The following CCSER1 variants were observed in gnomAD, a reference collection of about 807,000 sequenced individuals.
The protein encoded by CCSER1 is coiled-coil serine rich protein 1.
In CCSER1, 41 loss-of-function variants were observed where a neutral mutation model predicts 82.0. That is an observed-to-expected ratio of 0.50 (90% CI 0.39 to 0.65). The LOEUF (loss-of-function observed/expected upper bound fraction) is 0.65, where lower values mean the gene tolerates loss of function less well. CCSER1 is among the 30% of genes least tolerant of loss of function. The pLI is 0.00. For missense variants in CCSER1, 1,119 were observed against 1,064.2 expected (o/e 1.05, Z -0.72); for synonymous variants, 414 against 383.9 (o/e 1.08, Z -0.92).
At chr4:91,071,711 A>C (rs1290090527) in intron 9 of CCSER1, among the ~76,000 whole-genome samples, 3 of 152,148 alleles carry the variant, frequency 2.0e-5, no homozygotes, top group Non-Finnish European at 4.4e-5. Flanking sequence ...AGATTGATTC[A>C]ATAAGCTTAG....
chr4:91,432,315 C>T (rs1269284333), intron 10 of CCSER1, among the ~76,000 whole-genome samples: 3 of 152,100 alleles, frequency 2.0e-5, no homozygotes, highest in African/African-American at 4.8e-5. Context: ...TTTAATTAAA[C>T]ACCTATTTAT....
At chr4:90,199,927 G>A (rs1737337132) in intron 1 of CCSER1, among the ~76,000 whole-genome samples, 1 of 152,002 alleles carries the variant, frequency 6.6e-6, no homozygotes, top group South Asian at 2.1e-4. Flanking sequence ...ATATTGCATA[G>A]CAATTAAGTG....
intron 10 of CCSER1, among the ~76,000 whole-genome samples, chr4:91,347,285 C>T (rs1281748290): frequency 6.6e-6 from 1 of 152,100 alleles, no homozygotes; most frequent in African/African-American, 2.4e-5. Flanking sequence ...TCAAACATCA[C>T]TTGACTATAT....
At chr4:91,562,791 T>G (rs2110258328) in intron 10 of CCSER1, among the ~76,000 whole-genome samples, 1 of 151,776 alleles carries the variant, frequency 6.6e-6, no homozygotes, top group African/African-American at 2.4e-5. Context: ...TAACGTATTT[T>G]ATTTAAATAG....
chr4:91,177,521 T>G (rs1026689900), intron 10 of CCSER1, among the ~76,000 whole-genome samples: 25 of 152,194 alleles, frequency 1.6e-4, no homozygotes, highest in African/African-American at 5.8e-4. Context: ...TATTCAGGGA[T>G]TCAACTTCTT....
intron 8 of CCSER1, among the ~76,000 whole-genome samples, chr4:90,849,039 G>A (rs1020909262): frequency 3.9e-5 from 6 of 152,078 alleles, no homozygotes; most frequent in South Asian, 2.1e-4. Context: ...TTATAGCAGC[G>A]TGAGAACAGA....
intron 10 of CCSER1, among the ~76,000 whole-genome samples, chr4:91,173,568 T>C (rs547997488): frequency 5.3e-5 from 7 of 131,162 alleles, no homozygotes; most frequent in South Asian, 4.9e-4. Flanking sequence ...CACTCCAGCC[T>C]GGGCGACAGA....
rs193146060 is a variant in CCSER1 at position 91,220,979 on chromosome 4, C to T, written c.2217+134985C>T. On this transcript the variant is annotated intron_variant, in intron 10 of 10. Transcript: ENST00000509176. ...ATGGTGTAGTTGAAAAATTAACTGA[C>T]GTATTCAATACAGATATATTAATTT... Among the ~76,000 whole-genome samples, 16 of 151,996 alleles carry T rather than the reference C, an allele frequency of 1.1e-4. 1 individual carries two copies. The East Asian group carries it at 1.5e-3, about 15-fold the overall frequency.
intron 9 of CCSER1, among the ~76,000 whole-genome samples, chr4:90,926,769 A>G (rs933099314): frequency 6.6e-6 from 1 of 152,048 alleles, no homozygotes; most frequent in Non-Finnish European, 1.5e-5. Context: ...ATCAATGCCA[A>G]TTTAACCTCT....
At chr4:90,786,483 A>G (rs963562608) in intron 7 of CCSER1, among the ~76,000 whole-genome samples, 2 of 145,728 alleles carry the variant, frequency 1.4e-5, no homozygotes, top group African/African-American at 5.2e-5. Context: ...TTAATACTGT[A>G]ATCATTTTAC....
At chr4:90,828,530 A>G (rs971737954) in intron 8 of CCSER1, among the ~76,000 whole-genome samples, 4 of 152,172 alleles carry the variant, frequency 2.6e-5, no homozygotes, top group African/African-American at 7.2e-5. Context: ...GATTGTTTTT[A>G]AAAATTTAGT....
At chr4:90,277,254 T>C (rs980980862) in intron 1 of CCSER1, among the ~76,000 whole-genome samples, 1 of 152,176 alleles carries the variant, frequency 6.6e-6, no homozygotes, top group Non-Finnish European at 1.5e-5. Flanking sequence ...ATTTATGGAC[T>C]TAATGCATTT....
intron 10 of CCSER1, among the ~76,000 whole-genome samples, chr4:91,182,863 A>T (rs1271049315): frequency 1.3e-5 from 2 of 152,218 alleles, no homozygotes; most frequent in Non-Finnish European, 2.9e-5. Flanking sequence ...GTCCTCGAGG[A>T]TTAACTCCTC....
chr4:91,431,152 C>A (rs914570754), intron 10 of CCSER1, among the ~76,000 whole-genome samples: 9 of 152,020 alleles, frequency 5.9e-5, no homozygotes, highest in Non-Finnish European at 7.4e-5. Context: ...AGGAGAATGG[C>A]GTGAACCCGG....
intron 1 of CCSER1, among the ~76,000 whole-genome samples, chr4:90,239,547 G>A (rs1242546407): frequency 6.6e-6 from 1 of 152,180 alleles, no homozygotes; most frequent in African/African-American, 2.4e-5. Flanking sequence ...TGTCACTTAG[G>A]CTGGAGAGCA....
chr4:91,246,209 A>G (rs1197531519), intron 10 of CCSER1, among the ~76,000 whole-genome samples: 3 of 152,230 alleles, frequency 2.0e-5, no homozygotes, highest in African/African-American at 7.2e-5. Context: ...CAGAAAGTTA[A>G]AAAGCAGGGT....
At chr4:90,858,811 A>G (rs2149973627) in intron 8 of CCSER1, among the ~76,000 whole-genome samples, 1 of 152,028 alleles carries the variant, frequency 6.6e-6, no homozygotes. Context: ...TACTTAGGAA[A>G]TGATTCTGCC....
chr4:90,700,016 C>G (rs141424203), intron 6 of CCSER1, among the ~76,000 whole-genome samples: 1 of 151,076 alleles, frequency 6.6e-6, no homozygotes, highest in Non-Finnish European at 1.5e-5. Flanking sequence ...ACTTTAAGTT[C>G]TAGGGTACAT....
chr4:90,793,496 C>T (rs7696319), intron 7 of CCSER1, among the ~76,000 whole-genome samples: 18,721 of 152,082 alleles, frequency 0.12, 1,466 homozygotes, highest in Non-Finnish European at 0.17. Flanking sequence ...CTGCAAAGGA[C>T]GTAATCTTAT....
Sources: allele counts gnomAD v4.1 joint callset (sites outside exome capture counted in the v4.1 genomes callset), GRCh38; gene constraint gnomAD v4.1.1; transcripts MANE v1.5; gene names NCBI Gene and HGNC (gene_info 2026-07-23, HGNC 2026-07-21).